Variants in FAT3 observed in about 807,000 individuals in gnomAD.
FAT3 encodes protocadherin Fat 3.
Under a neutral mutation model 310.2 loss-of-function variants are expected in FAT3, and 95 were observed. That is an observed-to-expected ratio of 0.31 (90% CI 0.26 to 0.36). The LOEUF (loss-of-function observed/expected upper bound fraction) is 0.36. Ranked by LOEUF, FAT3 falls within the 10% of genes least tolerant of loss-of-function variation. FAT3 has a pLI of 1.00. For synonymous variants in FAT3, 2,314 were observed against 2,192.9 expected (o/e 1.06, Z -1.54); for missense variants, 5,408 against 5,715.6 (o/e 0.95, Z 1.74).
At chr11:92,477,626 C>T (rs911285098) in intron 2 of FAT3, among the ~76,000 whole-genome samples, 1 of 152,164 alleles carries the variant, frequency 6.6e-6, no homozygotes, top group Non-Finnish European at 1.5e-5. Flanking sequence ...ATTTTACTGT[C>T]TGTGTTCTGG....
intron 4 of FAT3, among the ~76,000 whole-genome samples, chr11:92,729,687 A>T (rs1314339194): frequency 6.6e-6 from 1 of 151,884 alleles, no homozygotes; most frequent in East Asian, 1.9e-4. Flanking sequence ...GGCCTCCCAA[A>T]GTGCTGGGAT....
chr11:92,851,379 A>C (rs1462409096), intron 19 of FAT3, among the ~76,000 whole-genome samples: 1 of 152,208 alleles, frequency 6.6e-6, no homozygotes, highest in Admixed American at 6.5e-5. Context: ...TTCTCACAGC[A>C]CTATAAAGAA....
At chr11:92,323,302 G>T (rs370091571) in intron 1 of FAT3, among the ~76,000 whole-genome samples, 1 of 152,058 alleles carries the variant, frequency 6.6e-6, no homozygotes, top group East Asian at 1.9e-4. Context: ...AGTTTGGAGT[G>T]CAATGGCGTG....
At chr11:92,442,081 TTATATA>T (rs869247397) in intron 2 of FAT3, among the ~76,000 whole-genome samples, 11 of 69,990 alleles carry the variant, frequency 1.6e-4, no homozygotes, top group African/African-American at 4.9e-4. Flanking sequence ...AATATATATT[TTATATA>T]TATATATATA....
chr11:92,695,713 G>A (rs544036275), intron 3 of FAT3, among the ~76,000 whole-genome samples: 5 of 152,234 alleles, frequency 3.3e-5, no homozygotes, highest in Non-Finnish European at 2.9e-5. Context: ...CAGAGTTTCC[G>A]AATCAAAAGA....
rs1235543475 is a variant in FAT3, at chr11:92,809,955, C to T, written c.9360C>T (p.Ile3120=). The change falls in exon 13 of 28, where the codon ATC becomes ATT. Residue 3120 remains isoleucine, a synonymous_variant. Coordinates refer to ENST00000525166, the MANE Select transcript of FAT3 (RefSeq NM_001367949.2). ...GRFCQSNIHL[I]LEDVNDNPPV... ...TCTGCCAGTCCAACATCCACCTAAT[C>T]CTGGAGGATGTGAATGATAACCCCC... is the stretch of plus-strand genomic sequence containing the variant. 1 of 1,613,740 alleles carries T rather than the reference C, an allele frequency of 6.2e-7. No individual in the cohort carries two copies. The highest frequency in any genetic ancestry group is 1.3e-5 in the African/African-American group (1 of 74,924).
intron 17 of FAT3, among the ~76,000 whole-genome samples, chr11:92,838,552 G>C (rs1948461675): frequency 6.6e-6 from 1 of 152,156 alleles, no homozygotes; most frequent in Non-Finnish European, 1.5e-5. Flanking sequence ...AGGAAATCTA[G>C]CCCAGGAAAA....
chr11:92,511,244 G>A (rs1953278500), intron 2 of FAT3, among the ~76,000 whole-genome samples: 1 of 152,166 alleles, frequency 6.6e-6, no homozygotes, highest in Admixed American at 6.5e-5. Flanking sequence ...CAGATGGAGA[G>A]TTGAAATTCA....
At chr11:92,745,830 G>A (rs1945649662) in intron 4 of FAT3, among the ~76,000 whole-genome samples, 1 of 152,178 alleles carries the variant, frequency 6.6e-6, no homozygotes, top group South Asian at 2.1e-4. Flanking sequence ...AATATTTGTT[G>A]AGAACCAACT....
intron 1 of FAT3, among the ~76,000 whole-genome samples, chr11:92,233,676 A>G (rs1864288162): frequency 6.6e-6 from 1 of 152,218 alleles, no homozygotes; most frequent in Non-Finnish European, 1.5e-5. Flanking sequence ...ATTTATATTC[A>G]GAAGACAACT....
intron 4 of FAT3, among the ~76,000 whole-genome samples, chr11:92,755,324 G>A (rs948638377): frequency 1.3e-5 from 2 of 152,134 alleles, no homozygotes; most frequent in African/African-American, 4.8e-5. Flanking sequence ...CTGGGTTCAA[G>A]TGATTCTTCT....
At chr11:92,235,226 G>T (rs939373459) in intron 1 of FAT3, among the ~76,000 whole-genome samples, 4 of 152,130 alleles carry the variant, frequency 2.6e-5, no homozygotes, top group African/African-American at 7.2e-5. Context: ...CTTGTCTTCT[G>T]CAGCCCCTCT....
intron 2 of FAT3, among the ~76,000 whole-genome samples, chr11:92,468,612 G>C (rs1951832729): frequency 6.6e-6 from 1 of 152,176 alleles, no homozygotes; most frequent in African/African-American, 2.4e-5. Flanking sequence ...ATTTATAAAG[G>C]AGAGAGGTTT....
intron 10 of FAT3, among the ~76,000 whole-genome samples, chr11:92,804,188 A>G (rs1238381866): frequency 6.6e-6 from 1 of 152,028 alleles, no homozygotes; most frequent in African/African-American, 2.4e-5. Flanking sequence ...GGTTTTGTCC[A>G]CTGATGTAGC....
At chr11:92,340,817 TAATA>T (rs1591134934) in intron 1 of FAT3, among the ~76,000 whole-genome samples, 2 of 152,110 alleles carry the variant, frequency 1.3e-5, no homozygotes, top group African/African-American at 4.8e-5. Context: ...CACCAGTCAA[TAATA>T]AATAACTTTA....
At chr11:92,789,742 T>G (rs1374891458) in intron 7 of FAT3, among the ~76,000 whole-genome samples, 1 of 152,226 alleles carries the variant, frequency 6.6e-6, no homozygotes, top group African/African-American at 2.4e-5. Context: ...TAGTTTATGT[T>G]CCTGCTAATA....
At chr11:92,648,268 T>A (rs1942237111) in intron 3 of FAT3, among the ~76,000 whole-genome samples, 1 of 152,168 alleles carries the variant, frequency 6.6e-6, no homozygotes, top group African/African-American at 2.4e-5. Flanking sequence ...TATATGAAGA[T>A]GATTACTTGA....
intron 2 of FAT3, among the ~76,000 whole-genome samples, chr11:92,479,822 G>A (rs140007401): frequency 2.6e-5 from 4 of 152,184 alleles, no homozygotes; most frequent in Admixed American, 1.3e-4. Flanking sequence ...GGCCCTGTGT[G>A]GTATCCTTCT....
intron 3 of FAT3, among the ~76,000 whole-genome samples, chr11:92,691,764 A>C (rs542942107): frequency 1.3e-5 from 2 of 152,184 alleles, no homozygotes. Context: ...TCCTCCTACA[A>C]ATGGAGTCAA....
Sources: gnomAD v4.1 joint callset for allele counts (sites outside exome capture counted in the v4.1 genomes callset) on GRCh38, gnomAD v4.1.1 for gene constraint, MANE v1.5 for transcripts, NCBI Gene and HGNC (gene_info 2026-07-23, HGNC 2026-07-21) for gene names.